PPP2R2C: variants seen among roughly 807,000 people sequenced by gnomAD.
The protein encoded by PPP2R2C is protein phosphatase 2 regulatory subunit Bgamma, also known as protein phosphatase 2, regulatory subunit B, gamma.
Under a neutral mutation model 45.3 loss-of-function variants are expected in PPP2R2C, and 10 were observed. The ratio of observed to expected loss-of-function variants is 0.22; its 90% CI spans 0.14 to 0.37. The LOEUF (loss-of-function observed/expected upper bound fraction) is 0.37. Ranked by LOEUF, PPP2R2C falls within the 10% of genes least tolerant of loss-of-function variation. The probability of loss-of-function intolerance (pLI) is 1.00; values close to 1 mark genes in which losing one functional copy is unlikely to be tolerated. For missense variants in PPP2R2C, 308 were observed against 619.7 expected, an observed-to-expected ratio of 0.50 and a Z score of 5.34; for synonymous variants, 257 against 245.4, an observed-to-expected ratio of 1.05 and a Z score of -0.44.
At chr4:6,355,084 A>G (rs1277646248) in intron 5 of PPP2R2C, among the ~76,000 whole-genome samples, 1 of 152,210 alleles carries the variant, frequency 6.6e-6, no homozygotes, top group Non-Finnish European at 1.5e-5. Flanking sequence ...ATCACTGCTT[A>G]TTACATTATT....
At chr4:6,524,952 T>G (rs1274924523) in intron 2 of PPP2R2C, among the ~76,000 whole-genome samples, 1 of 151,818 alleles carries the variant, frequency 6.6e-6, no homozygotes, top group Non-Finnish European at 1.5e-5. Context: ...TAGCCACACA[T>G]GGTAGCATTT....
intron 1 of PPP2R2C, chr4:6,383,174 G>A (rs1715977929): frequency 2.5e-6 from 3 of 1,178,786 alleles, no homozygotes; most frequent in South Asian, 1.6e-5. Context: ...ACCAGGAGCA[G>A]GACCTGCGCA....
At chr4:6,349,055 G>C (rs560836732) in intron 5 of PPP2R2C, 1 of 985,164 alleles carries the variant, frequency 1.0e-6, no homozygotes, top group East Asian at 1.1e-4. Flanking sequence ...CTTCCCTGCT[G>C]CCCAGCAGCA....
chr4:6,347,298 G>A (rs971903217), intron 6 of PPP2R2C, among the ~76,000 whole-genome samples: 8 of 152,148 alleles, frequency 5.3e-5, no homozygotes, highest in Non-Finnish European at 1.2e-4. Context: ...GTCACAAAAT[G>A]TCCCCTGGAA....
At chr4:6,326,316 AAAAC>A (rs372531839) in intron 8 of PPP2R2C, among the ~76,000 whole-genome samples, 21 of 152,174 alleles carry the variant, frequency 1.4e-4, no homozygotes, top group African/African-American at 4.8e-4. Flanking sequence ...CGGAGAGAAA[AAAAC>A]AGCCCTAGGG....
At chr4:6,398,340 C>A (rs1029735668) in intron 1 of PPP2R2C, among the ~76,000 whole-genome samples, 3 of 151,718 alleles carry the variant, frequency 2.0e-5, no homozygotes, top group African/African-American at 7.3e-5. Flanking sequence ...AGAAAATATT[C>A]GTAGTACATG....
rs773880296 is a variant in PPP2R2C at position 6,329,312 on chromosome 4, C to G, written c.1002G>C (p.Glu334Asp). The G allele has an allele frequency of 6.2e-7, 1 of 1,614,190 alleles. No homozygotes were observed. The highest frequency in any genetic ancestry group is 2.2e-5 in the East Asian group (1 of 44,882). ...YLRSKLCSLY[E>D]NDCIFDKFEC... is the part of the protein sequence containing the mutation. ...CAAACTTGTCGAAAATGCAGTCGTTCTCGTACAGGGAACAGAGCTTGCTCC... is the reference window on the plus strand; with the variant it reads ...CAAACTTGTCGAAAATGCAGTCGTTGTCGTACAGGGAACAGAGCTTGCTCC... The change falls in exon 8 of 9, where the codon GAG becomes GAC. Residue 334 changes from glutamate to aspartate, a missense_variant. Physicochemically the swap from Glu to Asp is conservative, Grantham distance 45. Coordinates refer to ENST00000382599, the MANE Select transcript of PPP2R2C (RefSeq NM_020416.4). This position sits in a 1 kb window ranked among gnomAD's most constrained non-coding sequence, Gnocchi z 5.8.
chr4:6,451,984 G>C (rs1452882235), intron 1 of PPP2R2C, among the ~76,000 whole-genome samples: 1 of 152,166 alleles, frequency 6.6e-6, no homozygotes, highest in African/African-American at 2.4e-5. Context: ...CCTGGCACAG[G>C]CAGTGTGGAC....
At position 6,323,286 on chromosome 4, in the gene PPP2R2C, C is replaced by T. The variant is rs774456706; in HGVS notation, c.*16G>A. The stretch of plus-strand genomic sequence containing the variant: ...TTGCATGAGGCTGGGTGGCAGGGGC[C>T]GGGAACTGCACATACCTAGTGCATG... On this transcript the variant is annotated 3_prime_UTR_variant, in exon 9 of 9. Coordinates refer to ENST00000382599, the MANE Select transcript of PPP2R2C (RefSeq NM_020416.4). The T allele has an allele frequency of 1.3e-5, 20 of 1,573,396 alleles. No individual in the cohort carries two copies. The South Asian group carries it at 1.4e-4, about 11-fold the overall frequency.
chr4:6,521,992 G>A (rs1724040906), intron 2 of PPP2R2C, among the ~76,000 whole-genome samples: 1 of 152,132 alleles, frequency 6.6e-6, no homozygotes, highest in South Asian at 2.1e-4. Flanking sequence ...TAAGCCAATG[G>A]CTTTGGGGGC....
intron 1 of PPP2R2C, among the ~76,000 whole-genome samples, chr4:6,468,332 C>T (rs561517162): frequency 1.3e-5 from 2 of 152,200 alleles, no homozygotes; most frequent in African/African-American, 4.8e-5. Flanking sequence ...AATTCCCAAG[C>T]ATCCTTCACT....
chr4:6,552,757 C>T (rs1725226048), intron 1 of PPP2R2C, among the ~76,000 whole-genome samples: 1 of 152,146 alleles, frequency 6.6e-6, no homozygotes. Context: ...ATGTGGACAT[C>T]TTTGGGGGGC....
At position 6,321,546 on chromosome 4, in the gene PPP2R2C, G is replaced by C. The variant is rs1731552184; in HGVS notation, c.*1756C>G. 1 of 152,336 alleles carries C rather than the reference G, an allele frequency of 6.6e-6. No individual in the cohort carries two copies. The highest frequency in any genetic ancestry group is 1.5e-5 in the Non-Finnish European group (1 of 68,046). The allele number at this position is 152,336 out of a possible 1,614,324, so 9.4% of individuals were successfully genotyped here. A position where few individuals can be genotyped will look rare whatever the true frequency, so the allele number is the denominator to read the frequency against. ...GTAAATGTTATATGGCCAGAAGTGAGTACACATGCACTTTGTGCTTTTACA... is the reference window on the plus strand; with the variant it reads ...GTAAATGTTATATGGCCAGAAGTGACTACACATGCACTTTGTGCTTTTACA... On this transcript the variant is annotated 3_prime_UTR_variant, in exon 9 of 9. Coordinates refer to ENST00000382599, the MANE Select transcript of PPP2R2C (RefSeq NM_020416.4).
chr4:6,558,226 C>G (rs1362256795), intron 1 of PPP2R2C, among the ~76,000 whole-genome samples: 3 of 152,232 alleles, frequency 2.0e-5, no homozygotes, highest in Non-Finnish European at 4.4e-5. Context: ...AGCAAGTTCT[C>G]CATAAGTGCC....
chr4:6,544,078 G>C (rs1724896120), intron 1 of PPP2R2C, among the ~76,000 whole-genome samples: 1 of 152,056 alleles, frequency 6.6e-6, no homozygotes, highest in African/African-American at 2.4e-5. Context: ...TCCTCACCCT[G>C]GCCCCATTTG....
chr4:6,405,949 G>A (rs777284269), intron 1 of PPP2R2C, among the ~76,000 whole-genome samples: 1 of 152,074 alleles, frequency 6.6e-6, no homozygotes, highest in Admixed American at 6.5e-5. Context: ...GGCAGCAGGG[G>A]GGTCTCTTTT....
intron 6 of PPP2R2C, among the ~76,000 whole-genome samples, chr4:6,334,674 G>A (rs978328617): frequency 1.3e-5 from 2 of 152,286 alleles, no homozygotes; most frequent in Middle Eastern, 3.4e-3. Context: ...GGGAACGATG[G>A]GAAGAGAACA....
chr4:6,548,155 C>G (rs1725055994), intron 1 of PPP2R2C, among the ~76,000 whole-genome samples: 1 of 152,046 alleles, frequency 6.6e-6, no homozygotes, highest in African/African-American at 2.4e-5. Context: ...GAGGCAGGGG[C>G]TGCAGTGAGC....
chr4:6,487,183 T>C lies in PPP2R2C; in HGVS notation c.49+48088A>G, dbSNP rs1289738454. Among the ~76,000 whole-genome samples the C allele has an allele frequency of 3.3e-5, 5 of 152,110 alleles. No individual in the cohort carries two copies. The East Asian group carries it at 9.6e-4, about 29-fold the overall frequency. On this transcript the variant is annotated intron_variant, in intron 2 of 9. Transcript: ENST00000506140. ...TTTGCTATTATACAGTTTACTTTTA[T>C]ATATGTTATAAACCTCACACTACAT...
Sources: allele counts gnomAD v4.1 joint callset (sites outside exome capture counted in the v4.1 genomes callset), GRCh38; gene constraint gnomAD v4.1.1; non-coding constraint Gnocchi (gnomAD v3.1); transcripts MANE v1.5; gene names NCBI Gene and HGNC (gene_info 2026-07-23, HGNC 2026-07-21).